Variants in RGS3 observed in about 807,000 individuals in gnomAD.
RGS3 encodes the protein regulator of G protein signaling 3.
In RGS3, 80 loss-of-function variants were observed where a neutral mutation model predicts 132.6. The observed-to-expected ratio is 0.60, with a 90% CI of 0.50 to 0.73. RGS3 has a LOEUF of 0.73. RGS3 is among the 30% of genes least tolerant of loss of function. RGS3 has a pLI of 0.00. For synonymous variants in RGS3, 598 were observed against 620.6 expected (o/e 0.96, Z 0.54); for missense variants, 1,382 against 1,530.8 (o/e 0.90, Z 1.62).
chr9:113,575,459 G>T (rs1391835446), intron 19 of RGS3, among the ~76,000 whole-genome samples: 1 of 152,166 alleles, frequency 6.6e-6, no homozygotes. Context: ...CTCCTGCAGT[G>T]GGGCCTCTGT....
At chr9:113,573,907 G>A (rs1834396528) in intron 19 of RGS3, among the ~76,000 whole-genome samples, 1 of 152,224 alleles carries the variant, frequency 6.6e-6, no homozygotes, top group Non-Finnish European at 1.5e-5. Context: ...GATCACAGAG[G>A]AGTAGAAAGA....
chr9:113,495,155 G>A (rs1330386262), intron 7 of RGS3, among the ~76,000 whole-genome samples: 3 of 152,176 alleles, frequency 2.0e-5, no homozygotes, highest in Non-Finnish European at 4.4e-5. Flanking sequence ...CATTACAGGC[G>A]TGAGCCACCG....
At chr9:113,584,480 G>A in intron 20 of RGS3, 53 bp downstream of exon 18, 1 of 1,474,838 alleles carries the variant, frequency 6.8e-7, no homozygotes, top group Non-Finnish European at 9.0e-7. Flanking sequence ...GGGGAGGGCT[G>A]GCCCAGGGGC....
intron 19 of RGS3, among the ~76,000 whole-genome samples, chr9:113,578,153 G>C (rs781631696): frequency 2.6e-5 from 4 of 152,200 alleles, no homozygotes; most frequent in Non-Finnish European, 5.9e-5. Flanking sequence ...ACTGTGATGA[G>C]AGGGGCCCTG....
chr9:113,453,275 ACTCATTATAT>A (rs1829300097), intron 1 of RGS3, among the ~76,000 whole-genome samples: 1 of 70,906 alleles, frequency 1.4e-5, no homozygotes, highest in African/African-American at 5.7e-5. Context: ...TACATAATAT[ACTCATTATAT>A]GATTACATAA....
At chr9:113,476,845 C>T (rs979062941) in intron 3 of RGS3, among the ~76,000 whole-genome samples, 3 of 152,228 alleles carry the variant, frequency 2.0e-5, no homozygotes, top group African/African-American at 7.2e-5. Context: ...CAAAGGGCCA[C>T]TGTTAGTTAG....
intron 19 of RGS3, among the ~76,000 whole-genome samples, chr9:113,575,173 G>T (rs1272979692): frequency 6.6e-6 from 1 of 152,208 alleles, no homozygotes; most frequent in Non-Finnish European, 1.5e-5. Context: ...TCTCCAGCAG[G>T]CTGCAAGCGG....
At chr9:113,558,254 G>A (rs562956499) in intron 19 of RGS3, among the ~76,000 whole-genome samples, 1 of 152,360 alleles carries the variant, frequency 6.6e-6, no homozygotes, top group East Asian at 1.9e-4. Flanking sequence ...TGTAATCCCA[G>A]CACTTTGGGA....
intron 3 of RGS3, among the ~76,000 whole-genome samples, chr9:113,469,606 A>C (rs1455465224): frequency 1.3e-5 from 2 of 152,180 alleles, no homozygotes; most frequent in Admixed American, 1.3e-4. Flanking sequence ...ACAAAAAAAA[A>C]ACCTTTGTAA....
chr9:113,552,219 A>G (rs543563862), intron 19 of RGS3, among the ~76,000 whole-genome samples: 42 of 152,326 alleles, frequency 2.8e-4, no homozygotes, highest in South Asian at 2.1e-4. Flanking sequence ...TTTTTCCCAA[A>G]TAGTTATTTG....
chr9:113,449,819 T>A (rs1829198662), intron 1 of RGS3, among the ~76,000 whole-genome samples: 1 of 152,072 alleles, frequency 6.6e-6, no homozygotes, highest in South Asian at 2.1e-4. Flanking sequence ...CTTGGCTCAC[T>A]GCAACCTCTG....
At chr9:113,480,458 C>CAAAAA (rs755925249) in intron 4 of RGS3, among the ~76,000 whole-genome samples, 15 of 65,796 alleles carry the variant, frequency 2.3e-4, no homozygotes, top group South Asian at 5.2e-4. Context: ...GACTCCGTCT[C>CAAAAA]AAAAAAAAAA....
chr9:113,482,851 C>G, intron 4 of RGS3: 1 of 1,318,486 alleles, frequency 7.6e-7, no homozygotes, highest in Non-Finnish European at 1.0e-6. Flanking sequence ...GTGGGAATGG[C>G]CTAGACCAGA....
At chr9:113,586,464 G>T (rs1835122080) in intron 20 of RGS3, among the ~76,000 whole-genome samples, 1 of 152,260 alleles carries the variant, frequency 6.6e-6, no homozygotes, top group Non-Finnish European at 1.5e-5. Flanking sequence ...GCCTGGACCA[G>T]CTCTCTCTTG....
chr9:113,558,026 G>A (rs926248588), intron 19 of RGS3, among the ~76,000 whole-genome samples: 1 of 152,192 alleles, frequency 6.6e-6, no homozygotes, highest in African/African-American at 2.4e-5. Flanking sequence ...AAGGCAAGTC[G>A]AGAGGCAGGG....
At position 113,507,779 on chromosome 9, in the gene RGS3, C is replaced by T; in HGVS notation, c.1437+141C>T. 1.5e-6 allele frequency: 1 copy of T among 649,636 alleles called. No homozygotes were observed. The highest frequency in any genetic ancestry group is 2.5e-6 in the Non-Finnish European group (1 of 405,294). The allele number at this position is 649,636 out of a possible 1,614,324, so 40.2% of individuals were successfully genotyped here. A position where few individuals can be genotyped will look rare whatever the true frequency, so the allele number is the denominator to read the frequency against. ...CAAGGAGATGGGGTATGTGCTAGCT[C>T]TGCCTTCTGCAAGGCTGTTCTTGGT... On this transcript the variant is annotated intron_variant, in intron 13 of 24. Coordinates refer to ENST00000350696, the Ensembl canonical transcript of RGS3. The surrounding 1 kb of genome is among the most constrained non-coding windows in gnomAD (Gnocchi z 5.0).
intron 1 of RGS3, among the ~76,000 whole-genome samples, chr9:113,453,206 C>A (rs1157987405): frequency 8.9e-6 from 1 of 112,898 alleles, no homozygotes; most frequent in African/African-American, 3.4e-5. Context: ...ATAATATACT[C>A]ATTATATGAT....
chr9:113,541,272 C>CGGCCT (rs750147850), intron 19 of RGS3: 1 of 1,589,524 alleles, frequency 6.3e-7, no homozygotes. Context: ...TCAGGCAGCC[C>CGGCCT]GGCCTGAGTA....
In RGS3 at chr9:113,508,534, C is replaced by T. The variant is rs777881612; in HGVS notation, c.1438-7C>T. ...GCTGAGGTGGTTTTCCTGTCTTTCCCTTGCAGCTGCTCCGGCCTGTGTACC... is the reference window on the plus strand; with the variant it reads ...GCTGAGGTGGTTTTCCTGTCTTTCCTTTGCAGCTGCTCCGGCCTGTGTACC... On this transcript the variant is annotated splice_polypyrimidine_tract_variant and splice_region_variant and intron_variant, in intron 13 of 24. Coordinates refer to ENST00000350696, the Ensembl canonical transcript of RGS3. 6 of 1,612,702 alleles carry T rather than the reference C, an allele frequency of 3.7e-6. No homozygotes were observed. The Admixed American group carries it at 8.3e-5, about 22-fold the overall frequency.
Sources: gnomAD v4.1 joint callset for allele counts (sites outside exome capture counted in the v4.1 genomes callset) on GRCh38, gnomAD v4.1.1 for gene constraint, Gnocchi (gnomAD v3.1) non-coding constraint, MANE v1.5 for transcripts, NCBI Gene and HGNC (gene_info 2026-07-23, HGNC 2026-07-21) for gene names.